The following ZNF385B variants were observed in gnomAD, a reference collection of about 807,000 sequenced individuals.
ZNF385B encodes zinc finger protein 533.
Under a neutral mutation model 39.2 loss-of-function variants are expected in ZNF385B, and 23 were observed. The observed-to-expected ratio is 0.59, with a 90% CI of 0.42 to 0.83. ZNF385B has a LOEUF of 0.83. ZNF385B is among the 40% of genes least tolerant of loss of function. The probability of loss-of-function intolerance (pLI) is 0.00; values close to 1 mark genes in which losing one functional copy is unlikely to be tolerated. For missense variants in ZNF385B, 552 were observed against 598.9 expected, an observed-to-expected ratio of 0.92 and a Z score of 0.82; for synonymous variants, 205 against 222.6, an observed-to-expected ratio of 0.92 and a Z score of 0.70.
At chr2:179,765,825 T>C (rs1703656710) in intron 3 of ZNF385B, among the ~76,000 whole-genome samples, 1 of 152,186 alleles carries the variant, frequency 6.6e-6, no homozygotes, top group Non-Finnish European at 1.5e-5. Flanking sequence ...TTTCTGTTAT[T>C]TCCACTTACC....
chr2:179,598,979 AAGAAG>A (rs1176205156), intron 3 of ZNF385B, among the ~76,000 whole-genome samples: 1 of 152,202 alleles, frequency 6.6e-6, no homozygotes, highest in Non-Finnish European at 1.5e-5. Flanking sequence ...TTACAGTAAA[AAGAAG>A]AGAATGATCC....
In ZNF385B at chr2:179,524,551, C is replaced by CAAAAAAAAGA. The variant is rs1300764305; in HGVS notation, c.442-5914_442-5913insTCTTTTTTTT. On this transcript the variant is annotated intron_variant, in intron 4 of 9. Coordinates refer to ENST00000410066, the MANE Select transcript of ZNF385B (RefSeq NM_152520.6). ...TGGGTGACAGAGCGAGACTCCGTCTCAAAAAAAAAAAAAAAAAAAAAAAAA... is the reference window on the plus strand; with the variant it reads ...TGGGTGACAGAGCGAGACTCCGTCTCAAAAAAAAGAAAAAAAAAAAAAAAAAAAAAAAAAA... Among the ~76,000 whole-genome samples, 92 of 60,994 alleles carry CAAAAAAAAGA rather than the reference C, an allele frequency of 1.5e-3. 3 individuals carry two copies. Among genetic ancestry groups the CAAAAAAAAGA allele is most frequent in the Middle Eastern group, 0.014 (1 of 70 alleles). The allele number at this position is 60,994 out of a possible 152,430, so 40.0% of individuals were successfully genotyped here.
chr2:179,743,835 G>A (rs906464956), intron 3 of ZNF385B, among the ~76,000 whole-genome samples: 1 of 152,086 alleles, frequency 6.6e-6, no homozygotes, highest in Non-Finnish European at 1.5e-5. Context: ...TAAATGAGAT[G>A]ATTGCATGAA....
At chr2:179,509,334 T>C (rs1255303415) in intron 5 of ZNF385B, among the ~76,000 whole-genome samples, 1 of 152,208 alleles carries the variant, frequency 6.6e-6, no homozygotes, top group East Asian at 1.9e-4. Flanking sequence ...AATAATATTA[T>C]AGTGCTGCTT....
In ZNF385B at chr2:179,777,844, C is replaced by A. The variant is rs183773023; in HGVS notation, c.-154-7172G>T. 1.8e-3 allele frequency among the ~76,000 whole-genome samples: 266 copies of A among 150,922 alleles called. 3 individuals are homozygous for A. Among genetic ancestry groups the A allele is most frequent in the African/African-American group, 6.2e-3 (253 of 41,082 alleles). ...CTGGCAGGCAGTGGCACGATCTCGG[C>A]ACACTGCAACCTCTGCCTCCTGGGT... On this transcript the variant is annotated intron_variant, in intron 1 of 9. Coordinates refer to ENST00000410066, the MANE Select transcript of ZNF385B (RefSeq NM_152520.6).
intron 3 of ZNF385B, among the ~76,000 whole-genome samples, chr2:179,763,865 G>A (rs1167323295): frequency 2.0e-5 from 3 of 152,072 alleles, no homozygotes; most frequent in South Asian, 4.1e-4. Context: ...ACGCATTAAG[G>A]TTTGTGTTAT....
intron 3 of ZNF385B, among the ~76,000 whole-genome samples, chr2:179,710,259 T>C (rs760798214): frequency 1.3e-5 from 2 of 152,004 alleles, no homozygotes; most frequent in African/African-American, 2.4e-5. Flanking sequence ...AGGTAGACAG[T>C]TTGAGGGACA....
At chr2:179,747,931 A>G (rs563400172) in intron 3 of ZNF385B, among the ~76,000 whole-genome samples, 1 of 152,132 alleles carries the variant, frequency 6.6e-6, no homozygotes, top group Non-Finnish European at 1.5e-5. Context: ...TTAAGCTCAC[A>G]TTAGTTCATG....
chr2:179,475,783 GA>G (rs1222329804), intron 6 of ZNF385B, among the ~76,000 whole-genome samples: 29 of 151,770 alleles, frequency 1.9e-4, no homozygotes, highest in Non-Finnish European at 4.0e-4. Flanking sequence ...TTGGGAGGCT[GA>G]GGTGGGCAGA....
intron 3 of ZNF385B, among the ~76,000 whole-genome samples, chr2:179,739,482 G>T (rs1463616417): frequency 1.3e-5 from 2 of 152,228 alleles, no homozygotes; most frequent in Non-Finnish European, 2.9e-5. Flanking sequence ...TTAGAACTAA[G>T]CATAGTGGGG....
intron 3 of ZNF385B, among the ~76,000 whole-genome samples, chr2:179,558,196 C>T (rs565894085): frequency 1.3e-5 from 2 of 152,218 alleles, no homozygotes; most frequent in East Asian, 1.9e-4. Flanking sequence ...TGTCTTTAGG[C>T]CTCTCCTCTG....
intron 3 of ZNF385B, among the ~76,000 whole-genome samples, chr2:179,630,893 T>C (rs1036098814): frequency 1.3e-5 from 2 of 152,140 alleles, no homozygotes; most frequent in African/African-American, 4.8e-5. Context: ...CAATAGCTGA[T>C]TTGATCAAGT....
At chr2:179,523,348 G>GTT (rs574497139) in intron 4 of ZNF385B, among the ~76,000 whole-genome samples, 3,511 of 108,484 alleles carry the variant, frequency 0.032, 148 homozygotes, top group African/African-American at 0.097. Flanking sequence ...ATCTGTGTGC[G>GTT]TTTTTTTTTT....
chr2:179,733,977 C>T (rs898288275), intron 3 of ZNF385B, among the ~76,000 whole-genome samples: 2 of 152,102 alleles, frequency 1.3e-5, no homozygotes, highest in African/African-American at 4.8e-5. Flanking sequence ...TATGTACATA[C>T]ACACATACAA....
intron 1 of ZNF385B, among the ~76,000 whole-genome samples, chr2:179,852,902 A>ACAT (rs1559252576): frequency 4.6e-5 from 7 of 152,208 alleles, no homozygotes; most frequent in Non-Finnish European, 1.0e-4. Flanking sequence ...CTTTAGAACC[A>ACAT]GCTTGATGAC....
chr2:179,646,424 A>G (rs1692725995), intron 3 of ZNF385B, among the ~76,000 whole-genome samples: 1 of 152,218 alleles, frequency 6.6e-6, no homozygotes, highest in Admixed American at 6.5e-5. Context: ...AAAAACAAAC[A>G]AACAAATAAG....
At chr2:179,526,915 T>A (rs533725734) in intron 4 of ZNF385B, among the ~76,000 whole-genome samples, 2 of 152,356 alleles carry the variant, frequency 1.3e-5, no homozygotes, top group African/African-American at 4.8e-5. Context: ...GCTTGCAACA[T>A]TAACTGGTCC....
At chr2:179,810,883 A>G (rs929191251) in intron 1 of ZNF385B, among the ~76,000 whole-genome samples, 12 of 152,068 alleles carry the variant, frequency 7.9e-5, no homozygotes, top group Admixed American at 3.3e-4. Flanking sequence ...TCCTCACTGA[A>G]GATATGATTT....
At chr2:179,526,869 T>C (rs1378113679) in intron 4 of ZNF385B, among the ~76,000 whole-genome samples, 1 of 152,198 alleles carries the variant, frequency 6.6e-6, no homozygotes, top group Non-Finnish European at 1.5e-5. Context: ...TCTTCAAGAA[T>C]CCCCAGCTCT....
Sources: allele counts gnomAD v4.1 joint callset (sites outside exome capture counted in the v4.1 genomes callset), GRCh38; gene constraint gnomAD v4.1.1; transcripts MANE v1.5; gene names NCBI Gene and HGNC (gene_info 2026-07-23, HGNC 2026-07-21).